Variants in ILDR1 observed in about 807,000 individuals in gnomAD.
The protein encoded by ILDR1 is immunoglobulin-like domain-containing receptor 1.
A neutral mutation model predicts 62.4 loss-of-function variants in ILDR1; 56 were observed. The observed-to-expected ratio is 0.90, with a 90% CI of 0.72 to 1.12. The LOEUF (loss-of-function observed/expected upper bound fraction) is 1.12. ILDR1 is among the 50% of genes most tolerant of loss of function. The pLI is 0.00. For synonymous variants in ILDR1, 284 were observed against 277.8 expected (o/e 1.02, Z -0.22); for missense variants, 736 against 710.6 (o/e 1.04, Z -0.41).
intron 5 of ILDR1, among the ~76,000 whole-genome samples, chr3:121,999,920 A>G (rs1393991904): frequency 6.6e-6 from 1 of 152,176 alleles, no homozygotes; most frequent in African/African-American, 2.4e-5. Context: ...TATTCACCTT[A>G]TCTTATGTAA....
At chr3:122,046,502 C>G in the ILDR1 span, among the ~76,000 whole-genome samples, 1 of 138,444 alleles carries the variant, frequency 7.2e-6, no homozygotes, top group Non-Finnish European at 1.6e-5. Flanking sequence ...TGGATAATAT[C>G]CTGCAGAGTG....
chr3:122,045,170 T>G, the ILDR1 span, among the ~76,000 whole-genome samples: 20 of 150,762 alleles, frequency 1.3e-4, no homozygotes, highest in East Asian at 3.9e-4. Context: ...TTCATTTCGT[T>G]ATGTACCCAG....
rs2071271572 is a variant in ILDR1, at chr3:121,987,658, T to A, written c.*709A>T. The A allele has an allele frequency of 6.4e-6, 1 of 156,690 alleles. No individual in the cohort carries two copies. Among genetic ancestry groups the A allele is most frequent in the Admixed American group, 6.2e-5 (1 of 16,162 alleles). 9.7% of individuals were successfully genotyped at this position (156,690 alleles called of 1,614,324 possible). On this transcript the variant is annotated 3_prime_UTR_variant, in exon 8 of 8. Transcript: ENST00000344209. ...TCCCATGGGAATGTCCCTATAATAC[T>A]CCATAGATTTCCTTTTCCTGAAACA...
At chr3:121,990,208 A>G (rs1454359706) in intron 7 of ILDR1, among the ~76,000 whole-genome samples, 1 of 152,222 alleles carries the variant, frequency 6.6e-6, no homozygotes, top group Non-Finnish European at 1.5e-5. Context: ...GGGAACAGCA[A>G]GACTTTGGCC....
At chr3:122,001,171 ATGTCCTC>A in intron 5 of ILDR1, 130 bp downstream of exon 5, 1 of 1,021,966 alleles carries the variant, frequency 9.8e-7, no homozygotes, top group Non-Finnish European at 1.5e-6. Flanking sequence ...GCTGAGGCTA[ATGTCCTC>A]TGTCCCTATG....
chr3:122,007,052 C>T lies in ILDR1; in HGVS notation c.168G>A (p.Val56=), dbSNP rs749454084. 6.2e-7 allele frequency: 1 copy of T among 1,614,018 alleles called. No homozygotes were observed. The highest frequency in any genetic ancestry group is 1.7e-5 in the Admixed American group (1 of 60,014). ...DYTTSAQLQD[V]VVTWRFKSFC... is the part of the protein sequence containing the mutation. ...AGGACTTGAAGCGCCATGTCACCAC[C>T]ACGTCCTGGAGCTGGGCAGAGGTGG... Residue 56 remains valine (V), a synonymous_variant, in exon 2 of 8, where the codon GTG becomes GTA. Transcript: ENST00000344209.
the ILDR1 span, among the ~76,000 whole-genome samples, chr3:122,058,733 A>G: frequency 3.9e-5 from 6 of 152,148 alleles, no homozygotes; most frequent in Admixed American, 6.5e-5. Context: ...ATCATAAACA[A>G]ATAGAGACAT....
intron 1 of ILDR1, among the ~76,000 whole-genome samples, chr3:122,009,986 C>G (rs59793446): frequency 0.014 from 2,144 of 152,272 alleles, 56 homozygotes; most frequent in African/African-American, 0.048. Context: ...AGAGACTCTG[C>G]GGCAGTGCAG....
At chr3:122,061,601 TAA>T in the ILDR1 span, among the ~76,000 whole-genome samples, 1 of 152,074 alleles carries the variant, frequency 6.6e-6, no homozygotes, top group Non-Finnish European at 1.5e-5. Flanking sequence ...AACAACCATA[TAA>T]GAGAGTCAAC....
At chr3:122,049,261 T>G in the ILDR1 span, among the ~76,000 whole-genome samples, 8 of 152,238 alleles carry the variant, frequency 5.3e-5, no homozygotes, top group Admixed American at 3.3e-4. Flanking sequence ...ATTTCAATCT[T>G]AAATGTGATA....
chr3:121,989,760 A>C (rs2071311549), intron 7 of ILDR1, among the ~76,000 whole-genome samples: 1 of 152,192 alleles, frequency 6.6e-6, no homozygotes, highest in Admixed American at 6.5e-5. Context: ...AGATCCCTCA[A>C]TATAACCTCC....
At chr3:121,990,965 G>A (rs891050490) in intron 7 of ILDR1, among the ~76,000 whole-genome samples, 1 of 152,214 alleles carries the variant, frequency 6.6e-6, no homozygotes, top group Non-Finnish European at 1.5e-5. Flanking sequence ...ACTTTGGGAG[G>A]TCGAGGCGGG....
chr3:122,038,659 T>A, the ILDR1 span, among the ~76,000 whole-genome samples: 3 of 152,140 alleles, frequency 2.0e-5, no homozygotes, highest in Admixed American at 6.5e-5. Context: ...CAGAATCAGA[T>A]ACAGATATAA....
At chr3:122,030,619 G>GTT in the ILDR1 span, among the ~76,000 whole-genome samples, 31,445 of 131,904 alleles carry the variant, frequency 0.24, 3,386 homozygotes, top group South Asian at 0.33. Flanking sequence ...AGAGGCAAGG[G>GTT]TTTTTCTCTC....
intron 5 of ILDR1, 128 bp downstream of exon 5, chr3:122,001,180 G>T: frequency 9.1e-7 from 1 of 1,093,452 alleles, no homozygotes; most frequent in Non-Finnish European, 1.4e-6. Flanking sequence ...AATGTCCTCT[G>T]TCCCTATGAT....
At chr3:122,047,655 C>T in the ILDR1 span, among the ~76,000 whole-genome samples, 11 of 152,174 alleles carry the variant, frequency 7.2e-5, no homozygotes, top group African/African-American at 2.2e-4. Context: ...GCGCAATATT[C>T]GGGTGGGAGT....
At chr3:122,012,530 A>G (rs1286677747) in intron 1 of ILDR1, among the ~76,000 whole-genome samples, 1 of 152,164 alleles carries the variant, frequency 6.6e-6, no homozygotes, top group Non-Finnish European at 1.5e-5. Context: ...TCTAGTCAAC[A>G]TTAGTTGCTG....
chr3:122,052,556 G>A, the ILDR1 span, among the ~76,000 whole-genome samples: 1 of 152,166 alleles, frequency 6.6e-6, no homozygotes, highest in Non-Finnish European at 1.5e-5. Context: ...CCCCAGGAAA[G>A]TCAGAACTTT....
chr3:122,029,511 A>AAATATAT, the ILDR1 span, among the ~76,000 whole-genome samples: 27 of 139,500 alleles, frequency 1.9e-4, no homozygotes, highest in Admixed American at 9.0e-4. Flanking sequence ...GTCTAAAAAA[A>AAATATAT]ATATATATAT....
Sources: allele counts gnomAD v4.1 joint callset (sites outside exome capture counted in the v4.1 genomes callset), GRCh38; gene constraint gnomAD v4.1.1; transcripts MANE v1.5; gene names NCBI Gene and HGNC (gene_info 2026-07-23, HGNC 2026-07-21).